The following PTAFR variants were observed in gnomAD, a reference collection of about 807,000 sequenced individuals.
The protein encoded by PTAFR is platelet activating factor receptor.
A neutral mutation model predicts 14.7 loss-of-function variants in PTAFR; 8 were observed. The observed-to-expected ratio is 0.54, with a 90% CI of 0.32 to 0.98. The LOEUF (loss-of-function observed/expected upper bound fraction) is 0.98. Among genes scored for constraint, PTAFR ranks in the 50% least tolerant of loss-of-function variants. The probability of loss-of-function intolerance (pLI) is 0.04; values close to 1 mark genes in which losing one functional copy is unlikely to be tolerated. For synonymous variants in PTAFR, 156 were observed against 176.5 expected, an observed-to-expected ratio of 0.88 and a Z score of 0.92; for missense variants, 337 against 451.2, an observed-to-expected ratio of 0.75 and a Z score of 2.29.
chr1:28,182,099 G>C (rs1646567279), intron 1 of PTAFR, among the ~76,000 whole-genome samples: 1 of 152,196 alleles, frequency 6.6e-6, no homozygotes, highest in Non-Finnish European at 1.5e-5. Flanking sequence ...ACTTTGGGAG[G>C]CCGAGGTGGG....
rs865987837 is a variant in PTAFR, at chr1:28,191,596, G to C, written c.-39+2126C>G. Among the ~76,000 whole-genome samples, 542 of 151,916 alleles carry C rather than the reference G, an allele frequency of 3.6e-3. 5 individuals are homozygous for C. Among genetic ancestry groups the C allele is most frequent in the Admixed American group, 0.018 (276 of 15,260 alleles). The stretch of plus-strand genomic sequence containing the variant: ...AAAAAGAAAAAAGAAAAGAGAGAGA[G>C]AGAGAGAGAGAGAGAGAGAGGTCTC... On this transcript the variant is annotated intron_variant, in intron 1 of 1. Transcript: ENST00000305392.
Position 28,149,044 on chromosome 1 carries a change from C to G in PTAFR, c.*949G>C, listed in dbSNP as rs1337688022. 1 of 152,280 alleles carries G rather than the reference C, an allele frequency of 6.6e-6. No homozygotes were observed. The highest frequency in any genetic ancestry group is 1.5e-5 in the Non-Finnish European group (1 of 68,074). 9.4% of individuals were successfully genotyped at this position (152,280 alleles called of 1,614,324 possible). A position where few individuals can be genotyped will look rare whatever the true frequency, so the allele number is the denominator to read the frequency against. ...GGACTAGAGGCAAGGCCTTTGCAGA[C>G]AGACACGTCTGTCTTGGGAAGCAAG... On this transcript the variant is annotated 3_prime_UTR_variant, in exon 2 of 2. Coordinates refer to ENST00000373857, the MANE Select transcript of PTAFR (RefSeq NM_000952.5).
chr1:28,165,423 A>AG (rs1646374322), intron 1 of PTAFR, among the ~76,000 whole-genome samples: 1 of 142,168 alleles, frequency 7.0e-6, no homozygotes, highest in African/African-American at 2.7e-5. Flanking sequence ...AAAAAAAAAA[A>AG]AAGGAAAAAA....
upstream of PTAFR, among the ~76,000 whole-genome samples, chr1:28,177,530 A>T (rs1646527863): frequency 6.6e-6 from 1 of 152,182 alleles, no homozygotes; most frequent in African/African-American, 2.4e-5. Flanking sequence ...TTGGGATTAC[A>T]GGCATGAGCC....
At chr1:28,159,959 C>T (rs1286713784) in intron 1 of PTAFR, among the ~76,000 whole-genome samples, 2 of 152,020 alleles carry the variant, frequency 1.3e-5, no homozygotes, top group African/African-American at 4.8e-5. Flanking sequence ...CATGCCTGGT[C>T]TCAGCACTTT....
At chr1:28,178,150 C>A (rs1310064835), upstream of PTAFR, among the ~76,000 whole-genome samples, 1 of 152,214 alleles carries the variant, frequency 6.6e-6, no homozygotes, top group Non-Finnish European at 1.5e-5. Flanking sequence ...GGGCCTGCAT[C>A]AGCATCCAGT....
intron 1 of PTAFR, among the ~76,000 whole-genome samples, chr1:28,184,824 G>T (rs1356778061): frequency 6.6e-6 from 1 of 152,034 alleles, no homozygotes; most frequent in Non-Finnish European, 1.5e-5. Context: ...ATTTTTAGTA[G>T]AGATGGGGTT....
At chr1:28,190,876 C>T (rs1277775682) in intron 1 of PTAFR, among the ~76,000 whole-genome samples, 1 of 152,224 alleles carries the variant, frequency 6.6e-6, no homozygotes, top group African/African-American at 2.4e-5. Flanking sequence ...TTCAATCTCA[C>T]CTCTGCCACT....
chr1:28,192,285 C>T (rs1050895300), intron 1 of PTAFR, among the ~76,000 whole-genome samples: 11 of 152,118 alleles, frequency 7.2e-5, no homozygotes, highest in African/African-American at 2.2e-4. Flanking sequence ...TGTGGCCGGG[C>T]GCAGTGGCTT....
chr1:28,157,489 T>C (rs1334516542), intron 1 of PTAFR, among the ~76,000 whole-genome samples: 1 of 151,988 alleles, frequency 6.6e-6, no homozygotes, highest in Non-Finnish European at 1.5e-5. Flanking sequence ...TTTAATGCAA[T>C]ATTTTTTTAA....
rs534527233 is a variant in PTAFR at position 28,154,549 on chromosome 1, C to G, written c.-38-3490G>C. ...TGATTGGGCCGGCCGTGGTGGCTCA[C>G]GCCTGTAATCCTAGCACTTTGGGAT... is the stretch of plus-strand genomic sequence containing the variant. On this transcript the variant is annotated intron_variant, in intron 1 of 1. Coordinates refer to ENST00000373857, the MANE Select transcript of PTAFR (RefSeq NM_000952.5). Among the ~76,000 whole-genome samples, 15 of 152,192 alleles carry G rather than the reference C, an allele frequency of 9.9e-5. 1 individual carries two copies. The South Asian group carries it at 2.9e-3, about 29-fold the overall frequency.
At chr1:28,155,863 G>T (rs1229774002) in intron 1 of PTAFR, among the ~76,000 whole-genome samples, 1 of 151,482 alleles carries the variant, frequency 6.6e-6, no homozygotes, top group Non-Finnish European at 1.5e-5. Flanking sequence ...GCAAGACCCT[G>T]TCTCAAAAAG....
chr1:28,157,113 T>A (rs1646272957), intron 1 of PTAFR, among the ~76,000 whole-genome samples: 2 of 152,108 alleles, frequency 1.3e-5, no homozygotes, highest in Admixed American at 6.6e-5. Context: ...ACACTAAACC[T>A]CAGCAATCAA....
upstream of PTAFR, among the ~76,000 whole-genome samples, chr1:28,180,745 T>C (rs1646555575): frequency 6.6e-6 from 1 of 152,048 alleles, no homozygotes. Flanking sequence ...CATTAAGAGA[T>C]AATGGTGTTG....
At chr1:28,164,823 A>G (rs1557690300) in intron 1 of PTAFR, among the ~76,000 whole-genome samples, 1 of 152,180 alleles carries the variant, frequency 6.6e-6, no homozygotes, top group Non-Finnish European at 1.5e-5. Context: ...GTGAGGCCCC[A>G]GGAAGAGATG....
intron 1 of PTAFR, chr1:28,193,582 G>C (rs1400868519): frequency 6.5e-6 from 1 of 153,652 alleles, no homozygotes; most frequent in African/African-American, 2.4e-5. Flanking sequence ...GTGTCCTTGA[G>C]GGGGTGCCAA....
chr1:28,151,624 C>A lies in PTAFR; in HGVS notation c.-38-565G>T, dbSNP rs531520714. On this transcript the variant is annotated intron_variant, in intron 1 of 1. Coordinates refer to ENST00000373857, the MANE Select transcript of PTAFR (RefSeq NM_000952.5). ...GAAGTGAGCTGTGATTGTGCCACTG[C>A]ACTCCTGCCTGGGTGACAAAGTGAG... 2.0e-5 allele frequency among the ~76,000 whole-genome samples: 3 copies of A among 152,004 alleles called. No individual in the cohort carries two copies. In the East Asian group the frequency reaches 5.8e-4, roughly 29 times the overall value.
At chr1:28,185,053 C>T (rs536125826) in intron 1 of PTAFR, among the ~76,000 whole-genome samples, 12 of 152,292 alleles carry the variant, frequency 7.9e-5, no homozygotes, top group Non-Finnish European at 1.8e-4. Context: ...TTCCTGACCA[C>T]CCTAATAAGT....
intron 1 of PTAFR, among the ~76,000 whole-genome samples, chr1:28,165,765 A>G (rs976391324): frequency 2.6e-5 from 4 of 152,148 alleles, no homozygotes; most frequent in African/African-American, 9.6e-5. Context: ...CCTGGGTGAC[A>G]GAGCGAGACT....
Sources: gnomAD v4.1 joint callset for allele counts (sites outside exome capture counted in the v4.1 genomes callset) on GRCh38, gnomAD v4.1.1 for gene constraint, MANE v1.5 for transcripts, NCBI Gene and HGNC (gene_info 2026-07-23, HGNC 2026-07-21) for gene names.